The following KPNA5 variants were observed in gnomAD, a reference collection of about 807,000 sequenced individuals.
KPNA5 encodes importin subunit alpha-6.
In KPNA5, 46 loss-of-function variants were observed where a neutral mutation model predicts 71.3. The observed-to-expected ratio is 0.65, with a 90% CI of 0.51 to 0.83. KPNA5 has a LOEUF of 0.83. KPNA5 is among the 40% of genes least tolerant of loss of function. The probability of loss-of-function intolerance (pLI) is 0.00; values close to 1 mark genes in which losing one functional copy is unlikely to be tolerated. For synonymous variants in KPNA5, 207 were observed against 201.4 expected (o/e 1.03, Z -0.24); for missense variants, 547 against 628.3 (o/e 0.87, Z 1.38).
rs780525339 is a variant in KPNA5, at chr6:116,722,077, T to TG, written c.757-47dup. 9 of 1,382,296 alleles carry TG rather than the reference T, an allele frequency of 6.5e-6. No homozygotes were observed. In the South Asian group the frequency reaches 1.5e-4, roughly 24 times the overall value. 85.6% of individuals were successfully genotyped at this position (1,382,296 alleles called of 1,614,324 possible). ...ATTTCTATATTTTTCTAAGGAAACTTGGTTTTAAATAGAGAAAAAATTTAA... is the reference window on the plus strand; with the variant it reads ...ATTTCTATATTTTTCTAAGGAAACTTGGGTTTTAAATAGAGAAAAAATTTAA... On this transcript the variant is annotated intron_variant, in intron 8 of 13. Coordinates refer to ENST00000368564, the MANE Select transcript of KPNA5 (RefSeq NM_001366306.2).
chr6:116,685,836 A>G (rs955722014), intron 1 of KPNA5, among the ~76,000 whole-genome samples: 1 of 152,096 alleles, frequency 6.6e-6, no homozygotes. Flanking sequence ...TGGTAGTTCT[A>G]TTTTTAGCTC....
At chr6:116,722,044 T>C (rs557552773) in intron 8 of KPNA5, 82 bp from the exon 9 acceptor site, 2 of 1,092,442 alleles carry the variant, frequency 1.8e-6, no homozygotes, top group East Asian at 5.5e-5. Flanking sequence ...ATTTTTGTTT[T>C]AAAATGAATT....
chr6:116,723,236 A>G (rs1390050184), intron 9 of KPNA5, among the ~76,000 whole-genome samples: 2 of 152,222 alleles, frequency 1.3e-5, no homozygotes, highest in South Asian at 2.1e-4. Context: ...TAATTTAATT[A>G]TTTTAGATTA....
intron 7 of KPNA5, among the ~76,000 whole-genome samples, chr6:116,715,942 T>C (rs1193321071): frequency 1.3e-5 from 2 of 151,492 alleles, no homozygotes; most frequent in Non-Finnish European, 2.9e-5. Flanking sequence ...GAAAAATTAA[T>C]CTAGTATTCT....
At chr6:116,685,676 C>G (rs1234768484) in intron 1 of KPNA5, among the ~76,000 whole-genome samples, 2 of 152,098 alleles carry the variant, frequency 1.3e-5, no homozygotes, top group African/African-American at 4.8e-5. Context: ...TTTTCTTTAT[C>G]CAGTCTGTTA....
intron 4 of KPNA5, among the ~76,000 whole-genome samples, chr6:116,695,615 T>G (rs1358846627): frequency 6.6e-6 from 1 of 152,188 alleles, no homozygotes; most frequent in Non-Finnish European, 1.5e-5. Context: ...GGCTTTCACT[T>G]TTGCTTTCTT....
chr6:116,724,462 A>G (rs1779223363), intron 10 of KPNA5, 87 bp downstream of exon 10: 2 of 843,816 alleles, frequency 2.4e-6, no homozygotes, highest in Admixed American at 4.1e-5. Flanking sequence ...CATATTAATC[A>G]AGATTTTAGC....
chr6:116,715,963 T>C (rs1054705159), intron 7 of KPNA5, among the ~76,000 whole-genome samples: 4 of 152,008 alleles, frequency 2.6e-5, no homozygotes, highest in South Asian at 2.1e-4. Context: ...TTTTAATATA[T>C]ATAGAAATAA....
At position 116,733,438 on chromosome 6, in the gene KPNA5, TC is replaced by T. The variant is rs1478981643; in HGVS notation, c.*1116del. ...ATGGTTCAAATCTATAAGACTTTTT[TC>T]TTTTAGTAATACTCAGAGGGTCATT... On this transcript the variant is annotated 3_prime_UTR_variant, in exon 14 of 14. Coordinates refer to ENST00000368564, the MANE Select transcript of KPNA5 (RefSeq NM_001366306.2). 3 of 151,710 alleles carry T rather than the reference TC, an allele frequency of 2.0e-5. No homozygotes were observed. Among genetic ancestry groups the T allele is most frequent in the African/African-American group, 7.2e-5 (3 of 41,398 alleles). 9.4% of individuals were successfully genotyped at this position (151,710 alleles called of 1,614,324 possible).
chr6:116,723,618 A>G (rs1255310299), intron 9 of KPNA5, among the ~76,000 whole-genome samples: 2 of 152,202 alleles, frequency 1.3e-5, no homozygotes, highest in Non-Finnish European at 2.9e-5. Flanking sequence ...AATTGCATTA[A>G]TGTATATTTT....
At chr6:116,694,349 T>C (rs1265223501) in intron 4 of KPNA5, among the ~76,000 whole-genome samples, 1 of 152,232 alleles carries the variant, frequency 6.6e-6, no homozygotes, top group East Asian at 1.9e-4. Context: ...TTTCATGATA[T>C]TGATTCTTCC....
intron 1 of KPNA5, among the ~76,000 whole-genome samples, chr6:116,686,924 T>C (rs1226322430): frequency 6.6e-6 from 1 of 152,246 alleles, no homozygotes; most frequent in Non-Finnish European, 1.5e-5. Context: ...GCTGTTTTGG[T>C]TACTGTAGCC....
At chr6:116,689,121 A>G (rs113532665) in intron 1 of KPNA5, among the ~76,000 whole-genome samples, 199 bp from the exon 2 acceptor site, 3 of 152,294 alleles carry the variant, frequency 2.0e-5, no homozygotes, top group African/African-American at 7.2e-5. Context: ...TGTTTAAGAT[A>G]TTATTTCTAA....
At chr6:116,683,595 T>G (rs2114344876) in intron 1 of KPNA5, among the ~76,000 whole-genome samples, 1 of 152,234 alleles carries the variant, frequency 6.6e-6, no homozygotes, top group African/African-American at 2.4e-5. Context: ...ATTATTTTTT[T>G]TTGAGATGGA....
chr6:116,710,402 A>T (rs957643771), intron 7 of KPNA5, among the ~76,000 whole-genome samples: 4 of 152,024 alleles, frequency 2.6e-5, no homozygotes, highest in East Asian at 1.9e-4. Context: ...TAAAAAAAAA[A>T]TTTTGCGGCT....
chr6:116,710,562 G>A (rs1181293782), intron 7 of KPNA5, among the ~76,000 whole-genome samples: 2 of 151,900 alleles, frequency 1.3e-5, no homozygotes, highest in African/African-American at 4.8e-5. Flanking sequence ...ATTATTTTAA[G>A]TGTTCTCTTA....
At chr6:116,681,471 GT>G (rs1226928767) in intron 1 of KPNA5, 133 bp downstream of exon 1, 2 of 1,392,654 alleles carry the variant, frequency 1.4e-6, no homozygotes, top group Non-Finnish European at 1.9e-6. Flanking sequence ...GCGGTGCCGG[GT>G]GTTTCTCGTG....
chr6:116,732,629 A>G lies in KPNA5; in HGVS notation c.*306A>G, dbSNP rs1397327585. The G allele has an allele frequency of 6.2e-6, 1 of 160,430 alleles. No individual in the cohort carries two copies. Among genetic ancestry groups the G allele is most frequent in the African/African-American group, 2.4e-5 (1 of 41,706 alleles). 9.9% of individuals were successfully genotyped at this position (160,430 alleles called of 1,614,324 possible). A position where few individuals can be genotyped will look rare whatever the true frequency, so the allele number is the denominator to read the frequency against. On this transcript the variant is annotated 3_prime_UTR_variant, in exon 14 of 14. Coordinates refer to ENST00000368564, the MANE Select transcript of KPNA5 (RefSeq NM_001366306.2). The stretch of plus-strand genomic sequence containing the variant: ...AGCTTGAAAAGGAGAATTTTGGTGA[A>G]GCATTACTTAGTAATTCTGAATTTT...
At chr6:116,721,404 C>T (rs1391423615) in intron 8 of KPNA5, among the ~76,000 whole-genome samples, 3 of 151,976 alleles carry the variant, frequency 2.0e-5, no homozygotes, top group Non-Finnish European at 4.4e-5. Context: ...CTACCCGCCT[C>T]GGCCTCCCAA....
Sources: gnomAD v4.1 joint callset for allele counts (sites outside exome capture counted in the v4.1 genomes callset) on GRCh38, gnomAD v4.1.1 for gene constraint, MANE v1.5 for transcripts, NCBI Gene and HGNC (gene_info 2026-07-23, HGNC 2026-07-21) for gene names.